BTBD7: variants seen among roughly 807,000 people sequenced by gnomAD.
BTBD7 encodes the protein BTB/POZ domain-containing protein 7.
Under a neutral mutation model 99.9 loss-of-function variants are expected in BTBD7, and 38 were observed. That is an observed-to-expected ratio of 0.38 (90% confidence interval 0.29 to 0.50). The LOEUF is 0.50. Among genes scored for constraint, BTBD7 ranks in the 20% least tolerant of loss-of-function variants. BTBD7 has a pLI of 0.93. For synonymous variants in BTBD7, 520 were observed against 511.4 expected (o/e 1.02, Z -0.23); for missense variants, 1,170 against 1,394.6 (o/e 0.84, Z 2.57).
intron 5 of BTBD7, 107 bp from the exon 6 acceptor site, chr14:93,257,462 T>C (rs954339460): frequency 1.0e-6 from 1 of 962,010 alleles, no homozygotes; most frequent in Non-Finnish European, 1.5e-6. Flanking sequence ...TAGACTTATG[T>C]GCCTCTGCTT....
chr14:93,332,092 C>T (rs1215818528), intron 1 of BTBD7, among the ~76,000 whole-genome samples: 1 of 152,150 alleles, frequency 6.6e-6, no homozygotes, highest in African/African-American at 2.4e-5. Context: ...AAACAACACT[C>T]CTCAGAGTTT....
At chr14:93,306,716 A>T (rs1290282338) in intron 1 of BTBD7, among the ~76,000 whole-genome samples, 8 of 152,182 alleles carry the variant, frequency 5.3e-5, no homozygotes, top group African/African-American at 1.9e-4. Flanking sequence ...TTTCTGGCAT[A>T]ACTTCACATT....
intron 5 of BTBD7, among the ~76,000 whole-genome samples, chr14:93,260,700 C>T (rs1021274537): frequency 6.6e-6 from 1 of 151,868 alleles, no homozygotes; most frequent in Non-Finnish European, 1.5e-5. Flanking sequence ...ATTACAGGCA[C>T]ATGCCACCAT....
chr14:93,329,291 A>T (rs1306081611), intron 1 of BTBD7, among the ~76,000 whole-genome samples: 1 of 152,224 alleles, frequency 6.6e-6, no homozygotes, highest in Non-Finnish European at 1.5e-5. Flanking sequence ...AATCATTTTT[A>T]AAAAATGCAA....
chr14:93,290,298 C>A (rs2052833612), intron 3 of BTBD7, among the ~76,000 whole-genome samples: 1 of 151,576 alleles, frequency 6.6e-6, no homozygotes, highest in African/African-American at 2.4e-5. Flanking sequence ...CTGCAAGCTT[C>A]GCCTCCTGGG....
chr14:93,299,669 G>A (rs1472701295), intron 1 of BTBD7, among the ~76,000 whole-genome samples: 1 of 151,890 alleles, frequency 6.6e-6, no homozygotes, highest in East Asian at 1.9e-4. Context: ...CTGTGGGGTG[G>A]GGGCGGGGAA....
intron 1 of BTBD7, among the ~76,000 whole-genome samples, chr14:93,305,509 T>G (rs1379195487): frequency 6.6e-6 from 1 of 152,198 alleles, no homozygotes; most frequent in African/African-American, 2.4e-5. Context: ...GACAAAACTC[T>G]CACTCTCACA....
chr14:93,280,900 C>G (rs1299132533), intron 3 of BTBD7, among the ~76,000 whole-genome samples: 2 of 150,560 alleles, frequency 1.3e-5, no homozygotes, highest in Admixed American at 6.6e-5. Flanking sequence ...GGCTGAATCA[C>G]AACTCACTGT....
At chr14:93,260,606 T>C (rs945409737) in intron 5 of BTBD7, among the ~76,000 whole-genome samples, 2 of 152,058 alleles carry the variant, frequency 1.3e-5, no homozygotes, top group African/African-American at 4.8e-5. Context: ...CAGGCTGGAA[T>C]GCAATGGCCC....
chr14:93,302,386 T>C (rs1415980899), intron 1 of BTBD7, among the ~76,000 whole-genome samples: 2 of 152,072 alleles, frequency 1.3e-5, no homozygotes, highest in African/African-American at 4.8e-5. Context: ...CATTTTAATA[T>C]GATGTATTAT....
At chr14:93,322,943 C>A (rs187742876) in intron 1 of BTBD7, among the ~76,000 whole-genome samples, 1 of 152,086 alleles carries the variant, frequency 6.6e-6, no homozygotes, top group East Asian at 1.9e-4. Context: ...CACAGCAGGA[C>A]CCCATCTCTA....
At position 93,242,901 on chromosome 14, in the gene BTBD7, C is replaced by T. The variant is rs745694971; in HGVS notation, c.2771G>A (p.Arg924Gln). The change falls in exon 11 of 11, where the codon CGG becomes CAG. Residue 924 changes from arginine to glutamine, a missense_variant. Physicochemically the swap from Arg to Gln is conservative, Grantham distance 43 (BLOSUM62 1). Around this residue, in one of 4 missense-constraint regions of BTBD7, gnomAD observed 495 missense variants for 525.9 expected, o/e 0.94. Transcript: ENST00000334746. ...TTTTTGCTCTAGTGTGTGTTTTTTC[C>T]GAGAAGTGTGTGTATGTCTCTGTGG... is the stretch of plus-strand genomic sequence containing the variant. ...CIPQRHTHTS[R>Q]KKHTLEQKTD... 78 of 1,613,750 alleles carry T rather than the reference C, an allele frequency of 4.8e-5. 1 individual carries two copies. The highest frequency in any genetic ancestry group is 6.6e-5 in the South Asian group (6 of 91,068).
intron 9 of BTBD7, among the ~76,000 whole-genome samples, chr14:93,246,940 T>C (rs956709972): frequency 6.6e-6 from 1 of 150,966 alleles, no homozygotes; most frequent in Non-Finnish European, 1.5e-5. Flanking sequence ...AGTAGAAAAT[T>C]AGGACAGCAG....
At chr14:93,256,859 C>A in intron 6 of BTBD7, 1 of 214,144 alleles carries the variant, frequency 4.7e-6, no homozygotes, top group South Asian at 1.5e-4. Flanking sequence ...CACTGCTGTT[C>A]TTGAAGACTC....
chr14:93,288,792 A>G (rs150832329), intron 3 of BTBD7: 1 of 1,559,538 alleles, frequency 6.4e-7, no homozygotes, highest in East Asian at 2.2e-5. Context: ...AAACATCAGT[A>G]TCTGTAAGTG....
At chr14:93,290,403 G>A (rs756269171) in intron 3 of BTBD7, among the ~76,000 whole-genome samples, 6 of 150,312 alleles carry the variant, frequency 4.0e-5, no homozygotes, top group Non-Finnish European at 7.4e-5. Flanking sequence ...TAGTAGAGAC[G>A]GGGTTTCACC....
At chr14:93,248,371 A>G (rs2052336600) in intron 9 of BTBD7, 105 bp downstream of exon 9, 1 of 1,219,334 alleles carries the variant, frequency 8.2e-7, no homozygotes, top group African/African-American at 1.5e-5. Context: ...GAAAAAGCAC[A>G]TACGACGAAA....
At chr14:93,292,430 G>C (rs1335494775) in intron 3 of BTBD7, among the ~76,000 whole-genome samples, 1 of 151,776 alleles carries the variant, frequency 6.6e-6, no homozygotes, top group Admixed American at 6.6e-5. Context: ...CCTACAGTTT[G>C]ACATCTAAAT....
intron 3 of BTBD7, among the ~76,000 whole-genome samples, chr14:93,278,035 C>T (rs746492166): frequency 6.6e-6 from 1 of 152,302 alleles, no homozygotes; most frequent in African/African-American, 2.4e-5. Context: ...CATTACCCCA[C>T]TAGTGATGAA....
Sources: allele counts gnomAD v4.1 joint callset (sites outside exome capture counted in the v4.1 genomes callset), GRCh38; gene constraint gnomAD v4.1.1; regional missense constraint gnomAD v4.1.1; transcripts MANE v1.5; gene names NCBI Gene and HGNC (gene_info 2026-07-23, HGNC 2026-07-21).